Variants in SH2D3C observed in about 807,000 individuals in gnomAD.
SH2D3C encodes the protein SH2 domain-containing protein 3C.
A neutral mutation model predicts 75.2 loss-of-function variants in SH2D3C; 25 were observed. The observed-to-expected ratio is 0.33, with a 90% confidence interval of 0.24 to 0.46. The LOEUF is 0.46. SH2D3C is among the 20% of genes least tolerant of loss of function. The pLI is 1.00. For missense variants in SH2D3C, 933 were observed against 1,165.3 expected (o/e 0.80, Z 2.90); for synonymous variants, 450 against 473.7 (o/e 0.95, Z 0.65).
chr9:127,776,480 T>G (rs896497813), intron 1 of SH2D3C, among the ~76,000 whole-genome samples: 4 of 152,112 alleles, frequency 2.6e-5, no homozygotes, highest in Admixed American at 2.0e-4. Flanking sequence ...GCTGGGGTGA[T>G]ACCATCTCCT....
chr9:127,769,828 CCTCT>C (rs1845701132), intron 2 of SH2D3C, among the ~76,000 whole-genome samples: 2 of 152,134 alleles, frequency 1.3e-5, no homozygotes, highest in Admixed American at 6.6e-5. Flanking sequence ...AGTCCCTTCC[CCTCT>C]CTGAGTCTCA....
chr9:127,778,665 G>A lies in SH2D3C; in HGVS notation c.-38C>T, dbSNP rs1252363911. ...TGTGAAGCCCTTGGCCAGCTTGCGA[G>A]TGGCCACTCAAGGCTCGGGACATCA... On this transcript the variant is annotated 5_prime_UTR_variant, in exon 1 of 12. Transcript: ENST00000314830. 6.3e-7 allele frequency: 1 copy of A among 1,590,442 alleles called. No homozygotes were observed. The highest frequency in any genetic ancestry group is 8.6e-7 in the Non-Finnish European group (1 of 1,158,520).
chr9:127,756,087 G>A (rs1009236377), intron 3 of SH2D3C, among the ~76,000 whole-genome samples: 3 of 152,170 alleles, frequency 2.0e-5, no homozygotes, highest in African/African-American at 7.2e-5. Flanking sequence ...ATCACTTGAG[G>A]CCAGGAGTTC....
chr9:127,752,104 A>G (rs1845218828), intron 3 of SH2D3C, among the ~76,000 whole-genome samples: 2 of 152,068 alleles, frequency 1.3e-5, no homozygotes, highest in South Asian at 4.1e-4. Flanking sequence ...CCTGGCCCAG[A>G]AACTCCTGGT....
intron 8 of SH2D3C, 58 bp downstream of exon 8, chr9:127,742,791 C>G (rs1288173013): frequency 7.2e-7 from 1 of 1,382,478 alleles, no homozygotes; most frequent in South Asian, 1.3e-5. Flanking sequence ...CCCCGTCCAG[C>G]GGGGAGTGCG....
chr9:127,770,649 G>A (rs56064262), intron 2 of SH2D3C, among the ~76,000 whole-genome samples: 1,754 of 151,570 alleles, frequency 0.012, 20 homozygotes, highest in Non-Finnish European at 0.019. Context: ...CATCCTCCTC[G>A]GGACACTCCA....
Position 127,763,986 on chromosome 9 carries a change from G to A in SH2D3C, c.516-2336C>T, listed in dbSNP as rs371599903. Among the ~76,000 whole-genome samples the A allele has an allele frequency of 4.6e-4, 70 of 152,130 alleles. No individual in the cohort carries two copies. The East Asian group carries it at 6.2e-3, about 13-fold the overall frequency. On this transcript the variant is annotated intron_variant, in intron 2 of 11. Transcript: ENST00000314830. ...AGGGACCCCTCCCCCAGCCACCTCCGCCCACTCTTCCCGGGTGAGGCATCC... is the reference window on the plus strand; with the variant it reads ...AGGGACCCCTCCCCCAGCCACCTCCACCCACTCTTCCCGGGTGAGGCATCC...
intron 3 of SH2D3C, among the ~76,000 whole-genome samples, chr9:127,759,709 C>T (rs1385834410): frequency 1.3e-5 from 2 of 151,538 alleles, no homozygotes; most frequent in Non-Finnish European, 2.9e-5. Flanking sequence ...TTTGGCCGGG[C>T]GTGGTGGCTC....
chr9:127,770,000 G>T (rs1026952797), intron 2 of SH2D3C, among the ~76,000 whole-genome samples: 1 of 152,164 alleles, frequency 6.6e-6, no homozygotes, highest in Non-Finnish European at 1.5e-5. Flanking sequence ...GTAGGCGTGG[G>T]GTAGGGAGTG....
chr9:127,771,363 A>G (rs922800029), intron 2 of SH2D3C: 4 of 1,353,456 alleles, frequency 3.0e-6, no homozygotes, highest in Non-Finnish European at 3.8e-6. Context: ...CCACGCCCCC[A>G]GACACGCCCC....
chr9:127,746,852 C>T (rs545149137), intron 6 of SH2D3C, among the ~76,000 whole-genome samples: 4 of 152,284 alleles, frequency 2.6e-5, no homozygotes, highest in African/African-American at 4.8e-5. Flanking sequence ...GCAAGAGAAT[C>T]GCTTGAACCC....
At chr9:127,745,187 T>TACAAGGAGTGAGGGAG in intron 6 of SH2D3C, 88 bp from the exon 7 acceptor site, 9 of 1,162,698 alleles carry the variant, frequency 7.7e-6, no homozygotes, top group Non-Finnish European at 1.0e-5. Context: ...ACAGGCTCCC[T>TACAAGGAGTGAGGGAG]CACTCCTTGT....
chr9:127,762,174 A>C, intron 2 of SH2D3C: 1 of 1,181,284 alleles, frequency 8.5e-7, no homozygotes, highest in South Asian at 1.6e-5. Flanking sequence ...TGCCCAGCTG[A>C]CTGCGGAGCC....
intron 2 of SH2D3C, among the ~76,000 whole-genome samples, chr9:127,766,307 C>T (rs1314724610): frequency 6.6e-6 from 1 of 152,250 alleles, no homozygotes; most frequent in Non-Finnish European, 1.5e-5. Context: ...CTGCCACCTG[C>T]CTTTCAGCTT....
At chr9:127,757,623 TGATGATGATGATG>T (rs1845420041) in intron 3 of SH2D3C, among the ~76,000 whole-genome samples, 32 of 124,280 alleles carry the variant, frequency 2.6e-4, no homozygotes, top group Admixed American at 8.4e-4. Flanking sequence ...ATGATGATGA[TGATGATGATGATG>T]ATGATGATGA....
rs546304574 is a variant in SH2D3C at position 127,744,486 on chromosome 9, T to G, written c.1800+78A>C. The stretch of plus-strand genomic sequence containing the variant: ...AGGCCCACCTGCTGTACTTGGGGAA[T>G]CTGGGAGCCAGCTTCTCACTGCCCT... On this transcript the variant is annotated intron_variant, in intron 7 of 11. Transcript: ENST00000314830. 7.3e-6 allele frequency: 11 copies of G among 1,503,538 alleles called. No individual in the cohort carries two copies. The South Asian group carries it at 1.3e-4, about 18-fold the overall frequency. The allele number at this position is 1,503,538 out of a possible 1,614,324, so 93.1% of individuals were successfully genotyped here.
intron 5 of SH2D3C, 42 bp from the exon 6 acceptor site, chr9:127,747,313 AG>A: frequency 6.3e-7 from 1 of 1,585,928 alleles, no homozygotes. Flanking sequence ...CCCGGAGGTC[AG>A]GGGCCTCAGC....
Position 127,747,197 on chromosome 9 carries a change from G to A in SH2D3C, c.1214C>T (p.Ser405Leu). ...LSMDQIPDLHSPMSPISESPS... is the reference protein window; with the variant it reads ...LSMDQIPDLHLPMSPISESPS... ...GCTCTCGGAGATGGGCGACATGGGT[G>A]AGTGCAGGTCTGGGATCTGGTCCAT... The change falls in exon 6 of 12, where the codon TCA (serine) becomes TTA (leucine). Residue 405 changes from serine to leucine, a missense_variant. Ser to Leu is a moderately radical substitution (Grantham distance 145, BLOSUM62 -2). Coordinates refer to ENST00000314830, the MANE Select transcript of SH2D3C (RefSeq NM_170600.3). The A allele has an allele frequency of 6.2e-7, 1 of 1,614,016 alleles. No individual in the cohort carries two copies. Among genetic ancestry groups the A allele is most frequent in the Non-Finnish European group, 8.5e-7 (1 of 1,179,978 alleles).
In SH2D3C at chr9:127,757,623, TGATG is replaced by T. The variant is rs1564419722; in HGVS notation, c.555+3984_555+3987del. On this transcript the variant is annotated intron_variant, in intron 3 of 11. Coordinates refer to ENST00000314830, the MANE Select transcript of SH2D3C (RefSeq NM_170600.3). ...ACCCAGATGATGATGATGATGATGA[TGATG>T]ATGATGATGATGATGATGATTATTA... Among the ~76,000 whole-genome samples the T allele has an allele frequency of 1.3e-3, 161 of 124,270 alleles. 1 individual carries two copies. The East Asian group carries it at 0.017, about 13-fold the overall frequency. 81.5% of individuals were successfully genotyped at this position (124,270 alleles called of 152,430 possible). A position where few individuals can be genotyped will look rare whatever the true frequency, so the allele number is the denominator to read the frequency against.
Sources: gnomAD v4.1 joint callset for allele counts (sites outside exome capture counted in the v4.1 genomes callset) on GRCh38, gnomAD v4.1.1 for gene constraint, MANE v1.5 for transcripts, NCBI Gene and HGNC (gene_info 2026-07-23, HGNC 2026-07-21) for gene names.